The following SRPK1 variants were observed in gnomAD, a reference collection of about 807,000 sequenced individuals.
SRPK1 encodes SFRS protein kinase 1.
A neutral mutation model predicts 89.5 loss-of-function variants in SRPK1; 52 were observed. The observed-to-expected ratio is 0.58, with a 90% CI of 0.46 to 0.73. The LOEUF is 0.73. SRPK1 is among the 30% of genes least tolerant of loss of function. SRPK1 has a pLI of 0.00. For missense variants in SRPK1, 603 were observed against 780.6 expected, an observed-to-expected ratio of 0.77 and a Z score of 2.71; for synonymous variants, 255 against 270.2, an observed-to-expected ratio of 0.94 and a Z score of 0.55.
At chr6:35,881,227 A>G (rs1320106894) in intron 6 of SRPK1, among the ~76,000 whole-genome samples, 1 of 152,158 alleles carries the variant, frequency 6.6e-6, no homozygotes, top group Non-Finnish European at 1.5e-5. Context: ...ACACTAAACA[A>G]TAACACAAAG....
At chr6:35,910,973 T>C (rs1187166068) in intron 2 of SRPK1, among the ~76,000 whole-genome samples, 1 of 152,218 alleles carries the variant, frequency 6.6e-6, no homozygotes, top group Non-Finnish European at 1.5e-5. Context: ...AGAGCTCTGA[T>C]GGGAATGTAC....
At chr6:35,838,984 G>A (rs1287597996) in intron 14 of SRPK1, 2 of 454,724 alleles carry the variant, frequency 4.4e-6, no homozygotes, top group Non-Finnish European at 7.1e-6. Flanking sequence ...TGTCTGGCAA[G>A]TCCCATTCTG....
At chr6:35,917,239 C>A (rs1405405259) in intron 2 of SRPK1, among the ~76,000 whole-genome samples, 1 of 152,184 alleles carries the variant, frequency 6.6e-6, no homozygotes, top group African/African-American at 2.4e-5. Flanking sequence ...GGCACCCAAA[C>A]CCCCAAGCAT....
intron 13 of SRPK1, among the ~76,000 whole-genome samples, chr6:35,844,839 A>G (rs1769392587): frequency 6.6e-6 from 1 of 152,126 alleles, no homozygotes. Context: ...TCTCATATAT[A>G]GAGTTCAGTA....
chr6:35,868,559 C>A (rs1204933087), intron 12 of SRPK1, among the ~76,000 whole-genome samples: 1 of 152,040 alleles, frequency 6.6e-6, no homozygotes, highest in Non-Finnish European at 1.5e-5. Context: ...ATGTAATGAA[C>A]TGAATTGTAT....
In SRPK1 at chr6:35,857,248, G is replaced by A. The variant is rs990562091; in HGVS notation, c.1620+13C>T. ...CCACTTAACAAGTGAAAGCCAAGGGGAAAAAACATTACCATGCATGCCGTG... is the reference window on the plus strand; with the variant it reads ...CCACTTAACAAGTGAAAGCCAAGGGAAAAAAACATTACCATGCATGCCGTG... On this transcript the variant is annotated intron_variant, in intron 13 of 15. Coordinates refer to ENST00000373825, the MANE Select transcript of SRPK1 (RefSeq NM_003137.5). 1.3e-6 allele frequency: 2 copies of A among 1,597,886 alleles called. No individual in the cohort carries two copies. Among genetic ancestry groups the A allele is most frequent in the Admixed American group, 1.7e-5 (1 of 59,058 alleles).
chr6:35,880,746 A>AAAAAAAAAAAAAAAAAAAAAAAAAAG (rs1770263877), intron 6 of SRPK1, among the ~76,000 whole-genome samples: 1 of 89,204 alleles, frequency 1.1e-5, no homozygotes. Context: ...AAAAAAAAAA[A>AAAAAAAAAAAAAAAAAAAAAAAAAAG]AAAAGAAAAG....
intron 6 of SRPK1, among the ~76,000 whole-genome samples, chr6:35,876,834 G>T (rs1216873856): frequency 2.0e-5 from 3 of 152,172 alleles, no homozygotes; most frequent in Non-Finnish European, 4.4e-5. Context: ...CTGAACCCTG[G>T]GATTGCCCCA....
chr6:35,908,669 G>C (rs1390920433), intron 2 of SRPK1, among the ~76,000 whole-genome samples: 2 of 152,212 alleles, frequency 1.3e-5, no homozygotes, highest in African/African-American at 4.8e-5. Flanking sequence ...CTGACAATGG[G>C]ATAGAAAAGA....
chr6:35,861,941 G>C (rs573220757), intron 12 of SRPK1, among the ~76,000 whole-genome samples: 35 of 152,308 alleles, frequency 2.3e-4, no homozygotes, highest in African/African-American at 8.4e-4. Context: ...GGGCGACACG[G>C]CTGCAACTGC....
At chr6:35,882,507 A>C (rs1770318220) in intron 6 of SRPK1, among the ~76,000 whole-genome samples, 1 of 151,846 alleles carries the variant, frequency 6.6e-6, no homozygotes, top group South Asian at 2.1e-4. Flanking sequence ...TTGTAGAGAC[A>C]GGGTCTTGCT....
chr6:35,910,819 T>G (rs935290354), intron 2 of SRPK1, among the ~76,000 whole-genome samples: 2 of 152,218 alleles, frequency 1.3e-5, no homozygotes, highest in African/African-American at 4.8e-5. Flanking sequence ...GCTCTATAAA[T>G]GGAACAACAA....
chr6:35,846,290 G>C (rs867382886), intron 13 of SRPK1, among the ~76,000 whole-genome samples: 9 of 151,678 alleles, frequency 5.9e-5, no homozygotes, highest in Admixed American at 2.0e-4. Flanking sequence ...AAGATATGTT[G>C]TATAAAAATT....
intron 2 of SRPK1, among the ~76,000 whole-genome samples, chr6:35,904,717 T>G (rs988269976): frequency 6.6e-6 from 1 of 151,922 alleles, no homozygotes; most frequent in African/African-American, 2.4e-5. Flanking sequence ...GAGAACTGCT[T>G]GAACCAGGAC....
intron 15 of SRPK1, 47 bp from the exon 16 acceptor site, chr6:35,835,535 A>T: frequency 1.3e-6 from 2 of 1,530,928 alleles, no homozygotes; most frequent in Non-Finnish European, 1.8e-6. Flanking sequence ...ACACAGACAA[A>T]TGACAAGGTA....
chr6:35,842,097 G>A (rs1457141116), intron 14 of SRPK1, among the ~76,000 whole-genome samples: 1 of 152,096 alleles, frequency 6.6e-6, no homozygotes, highest in African/African-American at 2.4e-5. Context: ...AAAAAAGAAT[G>A]CTAAATTTTG....
rs1288409173 is a variant in SRPK1, at chr6:35,862,703, T to C, written c.1513-5335A>G. Among the ~76,000 whole-genome samples the C allele has an allele frequency of 3.9e-5, 6 of 151,998 alleles. No homozygotes were observed. The South Asian group carries it at 6.2e-4, about 16-fold the overall frequency. ...AGAATTCCTTGAAATGCCAAATAAA[T>C]CAAAATACTGATTTTAAAGAAGCTC... On this transcript the variant is annotated intron_variant, in intron 12 of 15. Coordinates refer to ENST00000373825, the MANE Select transcript of SRPK1 (RefSeq NM_003137.5).
Position 35,888,904 on chromosome 6 carries a change from T to A in SRPK1, c.213A>T (p.Lys71Asn). Residue 71 changes from lysine to asparagine, a missense_variant, in exon 4 of 16, where the codon AAA becomes AAT. By Grantham distance (94) the Lys-to-Asn change is moderately conservative. Transcript: ENST00000373825. ...ATCTCCCATTGAATAGATCTCCAATTTTCACAAGATGATAACCTCCTGGAA... is the reference window on the plus strand; with the variant it reads ...ATCTCCCATTGAATAGATCTCCAATATTCACAAGATGATAACCTCCTGGAA... ...DYCKGGYHLV[K>N]IGDLFNGRYH... 1 of 1,612,066 alleles carries A rather than the reference T, an allele frequency of 6.2e-7. No homozygotes were observed.
chr6:35,885,989 TATA>T (rs1441009880), intron 6 of SRPK1, among the ~76,000 whole-genome samples: 1 of 152,190 alleles, frequency 6.6e-6, no homozygotes, highest in Non-Finnish European at 1.5e-5. Context: ...TGAGGCTTAG[TATA>T]ATAAATACAA....
Sources: gnomAD v4.1 joint callset for allele counts (sites outside exome capture counted in the v4.1 genomes callset) on GRCh38, gnomAD v4.1.1 for gene constraint, MANE v1.5 for transcripts, NCBI Gene and HGNC (gene_info 2026-07-23, HGNC 2026-07-21) for gene names.